CYFIP2: variants seen among roughly 807,000 people sequenced by gnomAD.
CYFIP2 encodes cytoplasmic FMR1 interacting protein 2, also known as cytoplasmic FMR1-interacting protein 2.
CYFIP2 carries 29 observed loss-of-function variants against 158.7 expected under a neutral mutation model. That is an observed-to-expected ratio of 0.18 (90% confidence interval 0.14 to 0.25). CYFIP2 has a LOEUF of 0.25. Ranked by LOEUF, CYFIP2 falls within the 10% of genes least tolerant of loss-of-function variation. The pLI is 1.00. For missense variants in CYFIP2, 852 were observed against 1,639.5 expected (o/e 0.52, Z 8.29); for synonymous variants, 585 against 617.6 (o/e 0.95, Z 0.78).
At chr5:157,350,024 T>C (rs963427572) in intron 23 of CYFIP2, among the ~76,000 whole-genome samples, 2 of 152,262 alleles carry the variant, frequency 1.3e-5, no homozygotes, top group African/African-American at 4.8e-5. Context: ...TTTTGGGTAT[T>C]AGTCCTTTGT....
intron 23 of CYFIP2, among the ~76,000 whole-genome samples, chr5:157,347,918 C>A: frequency 6.6e-6 from 1 of 152,204 alleles, no homozygotes; most frequent in Non-Finnish European, 1.5e-5. Flanking sequence ...GGGTTCATCC[C>A]GCTCCTCTGA....
At chr5:157,340,276 T>C (rs150393920) in intron 22 of CYFIP2, among the ~76,000 whole-genome samples, 1 of 152,380 alleles carries the variant, frequency 6.6e-6, no homozygotes, top group Non-Finnish European at 1.5e-5. Flanking sequence ...TCTCCAAGCC[T>C]TGGCTCAAGG....
At chr5:157,381,663 T>A (rs1169039238) in intron 26 of CYFIP2, among the ~76,000 whole-genome samples, 2 of 152,152 alleles carry the variant, frequency 1.3e-5, no homozygotes, top group African/African-American at 2.4e-5. Flanking sequence ...CTAGGACTGA[T>A]CTGCAGTTAA....
At chr5:157,343,645 G>C in intron 23 of CYFIP2, 1 of 916,566 alleles carries the variant, frequency 1.1e-6, no homozygotes. Context: ...GGGCACTCAT[G>C]TTGCCCTCAT....
rs1180700556 is a variant in CYFIP2 at position 157,311,401 on chromosome 5, T to G, written c.993-263T>G. 1.6e-5 allele frequency: 8 copies of G among 510,308 alleles called. No homozygotes were observed. Among genetic ancestry groups the G allele is most frequent in the African/African-American group, 3.9e-5 (2 of 51,896 alleles). 31.6% of individuals were successfully genotyped at this position (510,308 alleles called of 1,614,324 possible). Reference sequence around the variant, plus strand: ...GCCCCTCTCATATTACTGGTAAGTATTATGGACCAGGTATCTGGAAAGGCC... The same window carrying G: ...GCCCCTCTCATATTACTGGTAAGTAGTATGGACCAGGTATCTGGAAAGGCC... On this transcript the variant is annotated intron_variant, in intron 10 of 30. Transcript: ENST00000620254. This position sits in a 1 kb window ranked among gnomAD's most constrained non-coding sequence, Gnocchi z 4.7.
chr5:157,274,129 TAAA>T (rs58939164), intron 1 of CYFIP2, among the ~76,000 whole-genome samples: 15 of 123,178 alleles, frequency 1.2e-4, no homozygotes, highest in Non-Finnish European at 1.4e-4. Flanking sequence ...AAACTCTGTG[TAAA>T]AAAAAAAAAA....
At chr5:157,352,030 G>A (rs1763106427) in intron 23 of CYFIP2, among the ~76,000 whole-genome samples, 1 of 152,002 alleles carries the variant, frequency 6.6e-6, no homozygotes, top group South Asian at 2.1e-4. Context: ...TTAACAACTG[G>A]TCAAGTAATC....
chr5:157,358,947 C>A, intron 23 of CYFIP2, 58 bp from the exon 24 acceptor site: 1 of 1,606,516 alleles, frequency 6.2e-7, no homozygotes, highest in Non-Finnish European at 8.5e-7. Flanking sequence ...TCTGCCAGGA[C>A]TCCACCAGTG....
chr5:157,325,344 G>A lies in CYFIP2; in HGVS notation c.1826-138G>A, dbSNP rs1760938806. 5.3e-6 allele frequency: 5 copies of A among 941,402 alleles called. No homozygotes were observed. The Admixed American group carries it at 1.5e-4, about 29-fold the overall frequency. The allele number at this position is 941,402 out of a possible 1,614,324, so 58.3% of individuals were successfully genotyped here. A position where few individuals can be genotyped will look rare whatever the true frequency, so the allele number is the denominator to read the frequency against. On this transcript the variant is annotated intron_variant, in intron 16 of 30. Coordinates refer to ENST00000620254, the MANE Select transcript of CYFIP2 (RefSeq NM_001037333.3). ...TAGGCTTGCCTTTAAGTAAAAGAGA[G>A]CAGGATCTACTAATCAATATTAGTA...
intron 28 of CYFIP2, among the ~76,000 whole-genome samples, chr5:157,385,690 T>A (rs1186460040): frequency 6.6e-6 from 1 of 152,052 alleles, no homozygotes; most frequent in Non-Finnish European, 1.5e-5. Context: ...TGTAATGGGA[T>A]CATAGCTGCT....
intron 26 of CYFIP2, among the ~76,000 whole-genome samples, chr5:157,369,483 C>T (rs1183618840): frequency 1.3e-5 from 2 of 152,176 alleles, no homozygotes; most frequent in African/African-American, 4.8e-5. Flanking sequence ...AGGGGAGGGA[C>T]ATTTCAGCTT....
chr5:157,303,219 G>A, intron 7 of CYFIP2: 1 of 235,154 alleles, frequency 4.3e-6, no homozygotes, highest in Non-Finnish European at 8.3e-6. Flanking sequence ...CAGACTTGGG[G>A]CCAATCTAAG....
At chr5:157,378,950 T>C (rs1765770008) in intron 26 of CYFIP2, among the ~76,000 whole-genome samples, 1 of 152,184 alleles carries the variant, frequency 6.6e-6, no homozygotes, top group Admixed American at 6.5e-5. Context: ...AATTGCACAT[T>C]ATAACAAATC....
At chr5:157,391,217 G>A (rs1767249973) in intron 30 of CYFIP2, among the ~76,000 whole-genome samples, 1 of 152,172 alleles carries the variant, frequency 6.6e-6, no homozygotes, top group African/African-American at 2.4e-5. Flanking sequence ...ACTGAGGCAG[G>A]AAGGCGGATC....
chr5:157,352,188 T>A (rs923033732), intron 23 of CYFIP2, among the ~76,000 whole-genome samples: 1 of 152,240 alleles, frequency 6.6e-6, no homozygotes, highest in African/African-American at 2.4e-5. Context: ...TGGTAATTTT[T>A]TGGCCCTTAG....
At chr5:157,326,531 T>C (rs1761034601) in intron 18 of CYFIP2, among the ~76,000 whole-genome samples, 1 of 152,176 alleles carries the variant, frequency 6.6e-6, no homozygotes, top group Non-Finnish European at 1.5e-5. Context: ...TGTGTATAAA[T>C]ACCCAAGCTC....
At chr5:157,384,150 G>A (rs1017308834) in intron 28 of CYFIP2, 3 of 382,854 alleles carry the variant, frequency 7.8e-6, no homozygotes, top group Non-Finnish European at 1.6e-5. Flanking sequence ...ATGTTATTCT[G>A]TAATTGTTAA....
rs533295489 is a variant in CYFIP2, at chr5:157,266,734, G to C, written c.-24+539G>C. The C allele has an allele frequency of 6.6e-6, 1 of 152,570 alleles. No homozygotes were observed. Among genetic ancestry groups the C allele is most frequent in the East Asian group, 1.9e-4 (1 of 5,186 alleles). The allele number at this position is 152,570 out of a possible 1,614,324, so 9.5% of individuals were successfully genotyped here. On this transcript the variant is annotated intron_variant, in intron 1 of 30. Transcript: ENST00000620254. This position sits in a 1 kb window ranked among gnomAD's most constrained non-coding sequence, Gnocchi z 4.2. ...GCGAGGGGCGCAGCGTCGATGTTTG[G>C]GGGCGGAGGGCTTTGATGAGAGAGG...
chr5:157,329,201 G>A (rs1761257607), intron 19 of CYFIP2, among the ~76,000 whole-genome samples: 2 of 152,202 alleles, frequency 1.3e-5, no homozygotes, highest in African/African-American at 4.8e-5. Context: ...CATGCACGTA[G>A]GATTTCAAGG....
Sources: gnomAD v4.1 joint callset for allele counts (sites outside exome capture counted in the v4.1 genomes callset) on GRCh38, gnomAD v4.1.1 for gene constraint, Gnocchi (gnomAD v3.1) non-coding constraint, MANE v1.5 for transcripts, NCBI Gene and HGNC (gene_info 2026-07-23, HGNC 2026-07-21) for gene names.